Variants in NCAM2 observed in about 807,000 individuals in gnomAD.
NCAM2 encodes the protein neural cell adhesion molecule 2.
Under a neutral mutation model 98.1 loss-of-function variants are expected in NCAM2, and 30 were observed. The ratio of observed to expected loss-of-function variants is 0.31; its 90% CI spans 0.23 to 0.41. NCAM2 has a LOEUF of 0.41. Among genes scored for constraint, NCAM2 ranks in the 10% least tolerant of loss-of-function variants. NCAM2 has a pLI of 1.00. For missense variants in NCAM2, 867 were observed against 1,005.8 expected (o/e 0.86, Z 1.87); for synonymous variants, 368 against 342.4 (o/e 1.07, Z -0.83).
At chr21:21,534,423 C>T (rs1989873848) in intron 16 of NCAM2, 114 bp from the exon 17 acceptor site, 1 of 863,806 alleles carries the variant, frequency 1.2e-6, no homozygotes, top group Non-Finnish European at 1.6e-6. Context: ...TTAAATTAAC[C>T]AAGTTGGATT....
chr21:21,312,700 A>G (rs1243202857), intron 5 of NCAM2, among the ~76,000 whole-genome samples: 3 of 151,784 alleles, frequency 2.0e-5, no homozygotes, highest in Admixed American at 6.6e-5. Context: ...CATATATGAC[A>G]TGTTAAATTA....
At chr21:21,276,898 G>A (rs1202498409) in intron 1 of NCAM2, among the ~76,000 whole-genome samples, 1 of 151,894 alleles carries the variant, frequency 6.6e-6, no homozygotes, top group Admixed American at 6.6e-5. Context: ...TGTACTGAAT[G>A]AAAAATTAAC....
At chr21:21,356,712 C>T (rs1232679713) in intron 8 of NCAM2, among the ~76,000 whole-genome samples, 1 of 152,050 alleles carries the variant, frequency 6.6e-6, no homozygotes, top group Admixed American at 6.6e-5. Flanking sequence ...TAAGTTTCGC[C>T]AGGCACAGTG....
At chr21:21,123,466 A>G (rs2066719681) in intron 1 of NCAM2, among the ~76,000 whole-genome samples, 1 of 152,048 alleles carries the variant, frequency 6.6e-6, no homozygotes, top group African/African-American at 2.4e-5. Flanking sequence ...TATGTCTACA[A>G]TTGTCGTCTG....
At chr21:21,163,543 G>C (rs570461761) in intron 1 of NCAM2, among the ~76,000 whole-genome samples, 5 of 152,080 alleles carry the variant, frequency 3.3e-5, no homozygotes, top group Non-Finnish European at 7.4e-5. Flanking sequence ...GTTTGTCTTT[G>C]CTATGCCTGT....
intron 1 of NCAM2, among the ~76,000 whole-genome samples, chr21:21,260,918 G>T (rs762585740): frequency 6.6e-6 from 1 of 151,722 alleles, no homozygotes; most frequent in Non-Finnish European, 1.5e-5. Context: ...TGGCAAATTG[G>T]ATTAAAAAAA....
At chr21:21,403,397 T>A (rs2076672637) in intron 9 of NCAM2, among the ~76,000 whole-genome samples, 1 of 152,304 alleles carries the variant, frequency 6.6e-6, no homozygotes, top group Admixed American at 6.5e-5. Flanking sequence ...TTGCATGAAA[T>A]AAACTACCAG....
chr21:21,338,591 A>C (rs2074942768), intron 8 of NCAM2, 57 bp downstream of exon 8: 40 of 1,441,130 alleles, frequency 2.8e-5, no homozygotes, highest in Middle Eastern at 3.7e-4. Flanking sequence ...AGTATTTTCA[A>C]TATCATTAAA....
At chr21:21,494,993 G>C (rs1400104188) in intron 15 of NCAM2, among the ~76,000 whole-genome samples, 1 of 151,532 alleles carries the variant, frequency 6.6e-6, no homozygotes, top group Non-Finnish European at 1.5e-5. Flanking sequence ...AATTTGACAA[G>C]TTCTCATCAA....
At chr21:21,161,137 G>A (rs891378884) in intron 1 of NCAM2, among the ~76,000 whole-genome samples, 2 of 151,832 alleles carry the variant, frequency 1.3e-5, no homozygotes, top group African/African-American at 4.8e-5. Context: ...AACAAGAAAA[G>A]TTAGATCCTT....
intron 4 of NCAM2, 57 bp from the exon 5 acceptor site, chr21:21,292,047 C>T (rs2073316357): frequency 6.4e-7 from 1 of 1,555,876 alleles, no homozygotes; most frequent in Non-Finnish European, 8.7e-7. Flanking sequence ...ATTTAGAGCA[C>T]TCTGGACTTA....
intron 15 of NCAM2, among the ~76,000 whole-genome samples, chr21:21,493,851 C>A (rs760280432): frequency 6.6e-6 from 1 of 151,848 alleles, no homozygotes; most frequent in Non-Finnish European, 1.5e-5. Context: ...TAGCAACATG[C>A]ATTCAAGGTT....
At chr21:21,278,652 G>A (rs2072818155) in intron 1 of NCAM2, among the ~76,000 whole-genome samples, 1 of 152,026 alleles carries the variant, frequency 6.6e-6, no homozygotes, top group South Asian at 2.1e-4. Flanking sequence ...AATAAAAATA[G>A]GACCCAGGAA....
chr21:21,302,205 A>G (rs1197135794), intron 5 of NCAM2, among the ~76,000 whole-genome samples: 2 of 151,986 alleles, frequency 1.3e-5, no homozygotes, highest in Non-Finnish European at 2.9e-5. Context: ...AAGACTTGGA[A>G]CCAACCCAAA....
intron 1 of NCAM2, 99 bp from the exon 2 acceptor site, chr21:21,280,479 A>G: frequency 1.4e-6 from 1 of 735,514 alleles, no homozygotes; most frequent in Non-Finnish European, 2.2e-6. Flanking sequence ...TTGGGGGGAA[A>G]TAATCAGCGT....
chr21:21,265,924 G>T (rs1436146381), intron 1 of NCAM2, among the ~76,000 whole-genome samples: 1 of 151,934 alleles, frequency 6.6e-6, no homozygotes, highest in East Asian at 1.9e-4. Flanking sequence ...TAGTATAAAA[G>T]ATTGTTTTAT....
At chr21:21,297,053 C>G (rs1055104648) in intron 5 of NCAM2, among the ~76,000 whole-genome samples, 5 of 151,608 alleles carry the variant, frequency 3.3e-5, no homozygotes, top group Admixed American at 6.6e-5. Context: ...GACCTGCTAC[C>G]TAAGGTTTTT....
chr21:21,533,471 G>C (rs1989820837), intron 16 of NCAM2, among the ~76,000 whole-genome samples: 2 of 151,746 alleles, frequency 1.3e-5, no homozygotes, highest in Admixed American at 6.6e-5. Context: ...TTTTTTATTA[G>C]TAGTAATTTT....
intron 1 of NCAM2, among the ~76,000 whole-genome samples, chr21:21,181,922 G>A (rs1390244514): frequency 1.3e-5 from 2 of 151,508 alleles, no homozygotes. Context: ...GCCAGCCTTG[G>A]TGGCTTATGC....
Sources: gnomAD v4.1 joint callset for allele counts (sites outside exome capture counted in the v4.1 genomes callset) on GRCh38, gnomAD v4.1.1 for gene constraint, MANE v1.5 for transcripts, NCBI Gene and HGNC (gene_info 2026-07-23, HGNC 2026-07-21) for gene names.